Variants in PDK1 observed in about 807,000 individuals in gnomAD.
PDK1 encodes the protein pyruvate dehydrogenase kinase 1, also known as [Pyruvate dehydrogenase (acetyl-transferring)] kinase isozyme 1, mitochondrial.
A neutral mutation model predicts 54.2 loss-of-function variants in PDK1; 39 were observed. The ratio of observed to expected loss-of-function variants is 0.72; its 90% confidence interval spans 0.56 to 0.94. PDK1 has a LOEUF of 0.94. Among genes scored for constraint, PDK1 ranks in the 40% least tolerant of loss-of-function variants. PDK1 has a pLI of 0.00. For missense variants in PDK1, 552 were observed against 566.0 expected (o/e 0.98, Z 0.25); for synonymous variants, 221 against 207.1 (o/e 1.07, Z -0.58).
At chr2:172,699,448 C>T in the PDK1 span, among the ~76,000 whole-genome samples, 2 of 150,430 alleles carry the variant, frequency 1.3e-5, no homozygotes, top group Admixed American at 6.6e-5. Flanking sequence ...TTTTTGAAGA[C>T]ACCTGATTTT....
chr2:172,708,698 A>C, the PDK1 span, among the ~76,000 whole-genome samples: 14 of 152,312 alleles, frequency 9.2e-5, no homozygotes, highest in African/African-American at 3.4e-4. Context: ...TTGTACATAT[A>C]TATAATATGA....
rs189774815 is a variant in PDK1 at position 172,580,199 on chromosome 2, A to C, written c.946-6079A>C. 2.2e-4 allele frequency among the ~76,000 whole-genome samples: 33 copies of C among 150,736 alleles called. No homozygotes were observed. The East Asian group carries it at 5.4e-3, about 25-fold the overall frequency. ...GGCACAAAAAAGTCAATAAATGGCG[A>C]TGCCATCTGTTTGCTGTAAAAACAA... On this transcript the variant is annotated intron_variant, in intron 8 of 10. Coordinates refer to ENST00000282077, the MANE Select transcript of PDK1 (RefSeq NM_002610.5).
intron 8 of PDK1, among the ~76,000 whole-genome samples, chr2:172,574,418 C>A (rs1689466635): frequency 6.6e-6 from 1 of 152,104 alleles, no homozygotes; most frequent in South Asian, 2.1e-4. Flanking sequence ...TCTTGCATTT[C>A]CATGGGTTTT....
intron 1 of PDK1, 133 bp downstream of exon 1, chr2:172,556,479 C>T (rs1427330855): frequency 1.0e-5 from 6 of 589,934 alleles, no homozygotes; most frequent in Non-Finnish European, 1.6e-5. Context: ...TTTCCGCCCC[C>T]AGCGCCTTAG....
chr2:172,568,995 G>C (rs1005576182), intron 7 of PDK1, among the ~76,000 whole-genome samples, 178 bp downstream of exon 7: 1 of 152,186 alleles, frequency 6.6e-6, no homozygotes, highest in Non-Finnish European at 1.5e-5. Context: ...CCATGTAGTG[G>C]TGAGCTCAGA....
chr2:172,568,677 T>G, intron 6 of PDK1, 64 bp from the exon 7 acceptor site: 1 of 993,292 alleles, frequency 1.0e-6, no homozygotes, highest in Non-Finnish European at 1.6e-6. Flanking sequence ...CTACACAGTT[T>G]ATTCTTAAAA....
At chr2:172,590,565 C>G (rs888719075) in intron 9 of PDK1, among the ~76,000 whole-genome samples, 10 of 152,054 alleles carry the variant, frequency 6.6e-5, no homozygotes, top group African/African-American at 1.9e-4. Flanking sequence ...TCGCTGACTT[C>G]AGGAGTGAAG....
the PDK1 span, among the ~76,000 whole-genome samples, chr2:172,709,897 C>T: frequency 2.0e-5 from 3 of 151,924 alleles, no homozygotes; most frequent in African/African-American, 7.3e-5. Flanking sequence ...ACCCACATGA[C>T]ATTTTACAAA....
chr2:172,602,859 A>G lies in PDK1; in HGVS notation c.*6890A>G, dbSNP rs1691159497. ...TAAAACCAACTCTCAGTGACCAACA[A>G]AAGCAACAAATAGGAACAACCACCC... On this transcript the variant is annotated 3_prime_UTR_variant, in exon 11 of 11. Coordinates refer to ENST00000282077, the MANE Select transcript of PDK1 (RefSeq NM_002610.5). The G allele has an allele frequency of 6.6e-6, 1 of 152,164 alleles. No homozygotes were observed. Among genetic ancestry groups the G allele is most frequent in the African/African-American group, 2.4e-5 (1 of 41,444 alleles). The allele number at this position is 152,164 out of a possible 1,614,324, so 9.4% of individuals were successfully genotyped here. A position where few individuals can be genotyped will look rare whatever the true frequency, so the allele number is the denominator to read the frequency against.
the PDK1 span, among the ~76,000 whole-genome samples, chr2:172,682,308 G>A: frequency 6.6e-6 from 1 of 152,214 alleles, no homozygotes; most frequent in Non-Finnish European, 1.5e-5. Context: ...AGGCTCAGAT[G>A]GTACTGGGAC....
At chr2:172,684,989 T>G in the PDK1 span, among the ~76,000 whole-genome samples, 1 of 152,150 alleles carries the variant, frequency 6.6e-6, no homozygotes, top group African/African-American at 2.4e-5. Flanking sequence ...TGAGTTCTCA[T>G]GAGATCTGAT....
chr2:172,621,919 T>C, the PDK1 span, among the ~76,000 whole-genome samples: 1 of 144,518 alleles, frequency 6.9e-6, no homozygotes, highest in Non-Finnish European at 1.5e-5. Flanking sequence ...ATATCTCCTA[T>C]ATGATATATG....
At chr2:172,614,589 G>T in the PDK1 span, among the ~76,000 whole-genome samples, 12 of 152,210 alleles carry the variant, frequency 7.9e-5, no homozygotes, top group African/African-American at 2.9e-4. Flanking sequence ...TGAATGACTT[G>T]CCTGCAGAGA....
chr2:172,724,045 A>G, the PDK1 span: 1 of 152,176 alleles, frequency 6.6e-6, no homozygotes, highest in Non-Finnish European at 1.5e-5. Flanking sequence ...CATAATGACT[A>G]CTTTTAATAA....
the PDK1 span, among the ~76,000 whole-genome samples, chr2:172,692,787 C>T: frequency 2.0e-5 from 3 of 152,100 alleles, no homozygotes; most frequent in Non-Finnish European, 2.9e-5. Flanking sequence ...TAATTTGGTA[C>T]CCATATTCCT....
chr2:172,560,269 C>G (rs1688584518), intron 2 of PDK1, among the ~76,000 whole-genome samples: 1 of 152,162 alleles, frequency 6.6e-6, no homozygotes, highest in Non-Finnish European at 1.5e-5. Flanking sequence ...AAGAGATTCT[C>G]CTGCTAAGGC....
At chr2:172,708,576 A>G in the PDK1 span, among the ~76,000 whole-genome samples, 1 of 152,378 alleles carries the variant, frequency 6.6e-6, no homozygotes, top group Admixed American at 6.5e-5. Context: ...AAATATGGAA[A>G]TAAATCCTGG....
At chr2:172,622,354 GAT>G in the PDK1 span, among the ~76,000 whole-genome samples, 59 of 143,104 alleles carry the variant, frequency 4.1e-4, no homozygotes, top group Middle Eastern at 0.01. Flanking sequence ...TATTGTGTGA[GAT>G]ATGTTTATAT....
the PDK1 span, among the ~76,000 whole-genome samples, chr2:172,615,894 C>T: frequency 5.3e-5 from 8 of 152,320 alleles, no homozygotes; most frequent in African/African-American, 1.9e-4. Context: ...TACTTTGCTA[C>T]ATGCTACATT....
Sources: gnomAD v4.1 joint callset for allele counts (sites outside exome capture counted in the v4.1 genomes callset) on GRCh38, gnomAD v4.1.1 for gene constraint, MANE v1.5 for transcripts, NCBI Gene and HGNC (gene_info 2026-07-23, HGNC 2026-07-21) for gene names.